Variants in RAB33A observed in about 807,000 individuals in gnomAD.
RAB33A encodes the protein RAB33A, member RAS oncogene family.
A neutral mutation model predicts 12.0 loss-of-function variants in RAB33A; 6 were observed. The ratio of observed to expected loss-of-function variants is 0.50; its 90% confidence interval spans 0.27 to 0.99. The LOEUF is 0.99. RAB33A is among the 50% of genes least tolerant of loss of function. RAB33A has a pLI of 0.11. For missense variants in RAB33A, 109 were observed against 192.0 expected (o/e 0.57, Z 2.55); for synonymous variants, 70 against 82.4 (o/e 0.85, Z 0.81).
chrX:130,134,545 AC>A, the RAB33A span, among the ~76,000 whole-genome samples: 1 of 111,432 alleles, frequency 9.0e-6, no homozygotes, highest in African/African-American at 3.3e-5. Flanking sequence ...ACTGACATGG[AC>A]CTTGACTATG....
At chrX:130,111,521 G>A in the RAB33A span, among the ~76,000 whole-genome samples, 17 of 112,638 alleles carry the variant, frequency 1.5e-4, no homozygotes, top group Admixed American at 7.4e-4. Flanking sequence ...GCCCGACTCC[G>A]CAGAATCCTG....
chrX:130,165,383 C>A, the RAB33A span, among the ~76,000 whole-genome samples: 2 of 112,283 alleles, frequency 1.8e-5, no homozygotes, highest in South Asian at 7.5e-4. Flanking sequence ...CATGGCTGAG[C>A]CAATTCCTCC....
At chrX:130,112,853 G>GA in the RAB33A span, among the ~76,000 whole-genome samples, 1 of 110,318 alleles carries the variant, frequency 9.1e-6, no homozygotes, top group Non-Finnish European at 1.9e-5. Context: ...ATGACACAGT[G>GA]AGACTCCATC....
the RAB33A span, chrX:130,165,470 G>T: frequency 1.2e-6 from 1 of 825,321 alleles, no homozygotes; most frequent in Non-Finnish European, 1.8e-6. Flanking sequence ...GCGGGGACGC[G>T]GGGGTAGAGG....
chrX:130,169,848 T>G (rs2031586742), upstream of RAB33A, among the ~76,000 whole-genome samples: 1 of 112,414 alleles, frequency 8.9e-6, no homozygotes, highest in South Asian at 3.6e-4. Context: ...CCTTTCTACT[T>G]TGTGTACAGG....
the RAB33A span, among the ~76,000 whole-genome samples, chrX:130,161,221 A>T: frequency 9.0e-6 from 1 of 111,123 alleles, no homozygotes; most frequent in Non-Finnish European, 1.9e-5. Flanking sequence ...GCATGGAGAA[A>T]ACACAGGACA....
chrX:130,126,656 G>A, the RAB33A span, among the ~76,000 whole-genome samples: 1 of 111,592 alleles, frequency 9.0e-6, no homozygotes, highest in African/African-American at 3.3e-5. Flanking sequence ...AGAGATCAGA[G>A]GTTACAAGAC....
the RAB33A span, among the ~76,000 whole-genome samples, chrX:130,128,538 C>T: frequency 3.6e-5 from 4 of 111,999 alleles, no homozygotes; most frequent in Non-Finnish European, 7.5e-5. Context: ...CACCATTGCA[C>T]TCCAGCCTGG....
chrX:130,173,020 G>GAACT (rs771462598), intron 1 of RAB33A, among the ~76,000 whole-genome samples: 1 of 111,289 alleles, frequency 9.0e-6, no homozygotes, highest in Admixed American at 9.6e-5. Context: ...TCTAATACAT[G>GAACT]AACTGCTCCT....
the RAB33A span, among the ~76,000 whole-genome samples, chrX:130,115,622 GA>G: frequency 5.7e-5 from 6 of 105,997 alleles, no homozygotes. Flanking sequence ...AAGAAAGAAA[GA>G]GAGAGCAGAG....
At chrX:130,182,718 C>T (rs191071793) in intron 1 of RAB33A, among the ~76,000 whole-genome samples, 1 of 109,530 alleles carries the variant, frequency 9.1e-6, no homozygotes, top group East Asian at 2.9e-4. Flanking sequence ...CGTGCCATTT[C>T]ACTCTAGCCT....
chrX:130,174,503 GAGA>G (rs776776055), intron 1 of RAB33A, among the ~76,000 whole-genome samples: 24 of 112,435 alleles, frequency 2.1e-4, no homozygotes, highest in Non-Finnish European at 4.5e-4. Flanking sequence ...ATCTAGATAA[GAGA>G]AGATTTGGCC....
At chrX:130,164,167 CA>C in the RAB33A span, among the ~76,000 whole-genome samples, 12,621 of 74,607 alleles carry the variant, frequency 0.17, 824 homozygotes, top group Non-Finnish European at 0.22. Context: ...GACTCCGTCT[CA>C]AAAAAAAAAA....
chrX:130,157,692 C>T, the RAB33A span, among the ~76,000 whole-genome samples: 2 of 110,587 alleles, frequency 1.8e-5, no homozygotes, highest in Non-Finnish European at 3.8e-5. Context: ...GTAGGTCAGG[C>T]GTGGTGGCTC....
upstream of RAB33A, among the ~76,000 whole-genome samples, chrX:130,170,950 C>G (rs2031597928): frequency 8.8e-6 from 1 of 113,027 alleles, no homozygotes; most frequent in Non-Finnish European, 1.9e-5. Context: ...CCCCCTTCTC[C>G]TAGCCTCTGT....
chrX:130,182,168 A>G (rs1414368579), intron 1 of RAB33A, among the ~76,000 whole-genome samples: 1 of 56,660 alleles, frequency 1.8e-5, no homozygotes, highest in African/African-American at 1.4e-4. Context: ...ATATATATAT[A>G]TATATATATA....
At chrX:130,127,612 T>C in the RAB33A span, among the ~76,000 whole-genome samples, 1 of 109,403 alleles carries the variant, frequency 9.1e-6, no homozygotes, top group South Asian at 4.0e-4. Flanking sequence ...ACTAGGATCT[T>C]AGTCTTACCC....
chrX:130,150,538 T>G, the RAB33A span, among the ~76,000 whole-genome samples: 1 of 103,735 alleles, frequency 9.6e-6, no homozygotes, highest in African/African-American at 3.5e-5. Flanking sequence ...GGTTTCACCG[T>G]TTTAGCCGGG....
At chrX:130,136,877 T>G in the RAB33A span, 1 of 1,004,719 alleles carries the variant, frequency 1.0e-6, no homozygotes, top group Non-Finnish European at 1.4e-6. Flanking sequence ...CCTACACCCA[T>G]GGTTCATTTT....
Sources: gnomAD v4.1 joint callset for allele counts (sites outside exome capture counted in the v4.1 genomes callset) on GRCh38, gnomAD v4.1.1 for gene constraint, MANE v1.5 for transcripts, NCBI Gene and HGNC (gene_info 2026-07-23, HGNC 2026-07-21) for gene names.